Variants in ZNF160 observed in about 807,000 individuals in gnomAD.
The protein encoded by ZNF160 is zinc finger protein 160.
Under a neutral mutation model 13.1 loss-of-function variants are expected in ZNF160, and 9 were observed. The observed-to-expected ratio is 0.69, with a 90% CI of 0.41 to 1.20. ZNF160 has a LOEUF of 1.20. Ranked by LOEUF, ZNF160 falls within the 50% of genes most tolerant of loss-of-function variation. ZNF160 has a pLI of 0.01. For synonymous variants in ZNF160, 293 were observed against 333.2 expected, an observed-to-expected ratio of 0.88 and a Z score of 1.31; for missense variants, 838 against 988.0, an observed-to-expected ratio of 0.85 and a Z score of 2.04.
At chr19:53,073,447 C>T (rs2084258564) in intron 5 of ZNF160, 2 of 1,598,336 alleles carry the variant, frequency 1.3e-6, no homozygotes, top group Non-Finnish European at 1.7e-6. Context: ...GAGACTCTTC[C>T]ATGAGGTTTG....
intron 3 of ZNF160, among the ~76,000 whole-genome samples, chr19:53,080,487 C>T (rs971197595): frequency 4.6e-5 from 7 of 152,092 alleles, no homozygotes; most frequent in African/African-American, 1.7e-4. Context: ...GCCACACCCC[C>T]CAAAAAATGA....
intron 3 of ZNF160, among the ~76,000 whole-genome samples, chr19:53,080,481 C>T (rs969492879): frequency 7.2e-5 from 11 of 152,134 alleles, no homozygotes; most frequent in Non-Finnish European, 2.9e-5. Flanking sequence ...AAAATAGCCA[C>T]ACCCCCCAAA....
intron 5 of ZNF160, among the ~76,000 whole-genome samples, chr19:53,071,508 C>G (rs2084173227): frequency 7.1e-6 from 1 of 140,152 alleles, no homozygotes; most frequent in Non-Finnish European, 1.5e-5. Flanking sequence ...GCACTCCAGC[C>G]TGGGGCAACA....
At chr19:53,093,724 T>C (rs930946264) in intron 1 of ZNF160, 2 of 151,366 alleles carry the variant, frequency 1.3e-5, no homozygotes, top group Non-Finnish European at 2.9e-5. Flanking sequence ...GAGTGTGAGA[T>C]TGCAGTGAGC....
chr19:53,099,603 C>T (rs1442728200), intron 1 of ZNF160, among the ~76,000 whole-genome samples: 1 of 152,208 alleles, frequency 6.6e-6, no homozygotes, highest in Non-Finnish European at 1.5e-5. Context: ...TCTGAGTCTA[C>T]ACCCCAGCTT....
rs557223777 is a variant in ZNF160, at chr19:53,072,723, T to C, written c.271+1417A>G. On this transcript the variant is annotated intron_variant, in intron 5 of 5. Transcript: ENST00000683776. ...ACAATTAACCAGGCATGGTGGCGCA[T>C]GCCTGTAATCCCAGCTACTCGGGAG... Among the ~76,000 whole-genome samples, 396 of 152,142 alleles carry C rather than the reference T, an allele frequency of 2.6e-3. 1 individual carries two copies. In the Middle Eastern group the frequency reaches 0.041, roughly 16 times the overall value.
At chr19:53,081,635 GA>G (rs35508631) in intron 3 of ZNF160, among the ~76,000 whole-genome samples, 27,859 of 151,912 alleles carry the variant, frequency 0.18, 3,191 homozygotes, top group East Asian at 0.32. Flanking sequence ...CAAGGCTTCA[GA>G]AAAAAGGAAA....
At chr19:53,099,907 G>C (rs2085380862) in intron 1 of ZNF160, among the ~76,000 whole-genome samples, 1 of 152,174 alleles carries the variant, frequency 6.6e-6, no homozygotes, top group Admixed American at 6.5e-5. Flanking sequence ...GCCTCGAAGG[G>C]CTAATGGGCA....
At position 53,074,206 on chromosome 19, in the gene ZNF160, C is replaced by T. The variant is rs760123268; in HGVS notation, c.205G>A (p.Val69Met). 2 of 1,613,980 alleles carry T rather than the reference C, an allele frequency of 1.2e-6. No homozygotes were observed. The highest frequency in any genetic ancestry group is 2.2e-5 in the East Asian group (1 of 44,864). ...CTTGCTATTTTCACACAGCTCTTCA[C>T]AGTCCAGGGCTCTTTCCCTTCCTCC... is the stretch of plus-strand genomic sequence containing the variant. ...MLEEGKEPWT[V>M]KSCVKIARKP... The change falls in exon 5 of 6, where the codon GTG becomes ATG. Residue 69 changes from valine to methionine, a missense_variant. This residue lies in a region of ZNF160 where 387 missense variants were observed against 402.3 expected (regional missense o/e 0.96). Transcript: ENST00000683776.
rs375068903 is a variant in ZNF160 at position 53,070,875 on chromosome 19, C to T, written c.272-613G>A. 5.8e-3 allele frequency among the ~76,000 whole-genome samples: 875 copies of T among 152,086 alleles called. 13 individuals are homozygous for T. Among genetic ancestry groups the T allele is most frequent in the African/African-American group, 0.02 (824 of 41,506 alleles). On this transcript the variant is annotated intron_variant, in intron 5 of 5. Coordinates refer to ENST00000683776, the MANE Select transcript of ZNF160 (RefSeq NM_001322131.2). ...GTTGAGACCAGCCTGGGCAACACAG[C>T]AAGACTCCATCTCTACAAAAACAAA...
chr19:53,070,108 C>T lies in ZNF160; in HGVS notation c.426G>A (p.Glu142=). Residue 142 remains glutamate (E), a synonymous_variant, in exon 6 of 6, where the codon GAG becomes GAA. Transcript: ENST00000683776. ...TTCCTGTGTCATCTCTCCATTGACA[C>T]TCAAAATCATGCACATTTTTCTGGG... ...KEPQKNVHDF[E]CQWRDDTGNY... 6.2e-7 allele frequency: 1 copy of T among 1,614,142 alleles called. No homozygotes were observed. The highest frequency in any genetic ancestry group is 8.5e-7 in the Non-Finnish European group (1 of 1,180,030).
chr19:53,069,417 C>T lies in ZNF160; in HGVS notation c.1117G>A (p.Glu373Lys). The change falls in exon 6 of 6, where the codon GAA (glutamate) becomes AAA (lysine). Residue 373 changes from glutamate (E) to lysine (K), a missense_variant. Physicochemically the swap from Glu to Lys is moderately conservative, Grantham distance 56. Around this residue, in one of 3 missense-constraint regions of ZNF160, gnomAD observed 400 missense variants for 538.9 expected, o/e 0.74. Coordinates refer to ENST00000683776, the MANE Select transcript of ZNF160 (RefSeq NM_001322131.2). This position sits in a 1 kb window ranked among gnomAD's most constrained non-coding sequence, Gnocchi z 4.4. ...TTTTGAGTGAAGAGCTTGCCACATT[C>T]ATTACATTTGAACGGTTTTTCTCCA... ...HTGEKPFKCN[E>K]CGKLFTQNSH... 6.2e-7 allele frequency: 1 copy of T among 1,614,108 alleles called. No homozygotes were observed. The highest frequency in any genetic ancestry group is 8.5e-7 in the Non-Finnish European group (1 of 1,180,030).
chr19:53,093,847 T>G (rs2085123909), intron 1 of ZNF160, among the ~76,000 whole-genome samples: 1 of 152,294 alleles, frequency 6.6e-6, no homozygotes, highest in South Asian at 2.1e-4. Context: ...TGAATGTTCC[T>G]GTCACACATA....
chr19:53,097,498 T>A (rs75205204), intron 1 of ZNF160, among the ~76,000 whole-genome samples: 18,818 of 151,780 alleles, frequency 0.12, 1,257 homozygotes, highest in Middle Eastern at 0.18. Flanking sequence ...AGCCCTGTTA[T>A]GAAATCTCAC....
intron 1 of ZNF160, among the ~76,000 whole-genome samples, chr19:53,099,583 T>C (rs541738113): frequency 8.5e-5 from 13 of 152,166 alleles, no homozygotes; most frequent in South Asian, 2.1e-4. Context: ...CCAAAGATGG[T>C]CTCTCTGCCT....
chr19:53,069,531 G>T lies in ZNF160; in HGVS notation c.1003C>A (p.His335Asn). Residue 335 changes from histidine (H) to asparagine (N), a missense_variant, in exon 6 of 6, where the codon CAT becomes AAT. Transcript: ENST00000683776. The surrounding 1 kb of genome is among the most constrained non-coding windows in gnomAD (Gnocchi z 4.4). ...NSYLATHRRI[H>N]TGEKPYKCNE... Reference sequence around the variant, plus strand: ...CACTTGTAAGGTTTCTCTCCAGTATGAATTCGCCGATGAGTTGCAAGGTAT... The same window carrying T: ...CACTTGTAAGGTTTCTCTCCAGTATTAATTCGCCGATGAGTTGCAAGGTAT... 1 of 1,614,164 alleles carries T rather than the reference G, an allele frequency of 6.2e-7. No individual in the cohort carries two copies. Among genetic ancestry groups the T allele is most frequent in the African/African-American group, 1.3e-5 (1 of 75,040 alleles).
chr19:53,086,359 GAATATCCAA>G, intron 2 of ZNF160, 38 bp from the exon 3 acceptor site: 1 of 1,511,486 alleles, frequency 6.6e-7, no homozygotes, highest in African/African-American at 1.4e-5. Context: ...AGTCAATACT[GAATATCCAA>G]AATATGCTGC....
At chr19:53,096,358 GACTA>G (rs1402208894) in intron 1 of ZNF160, among the ~76,000 whole-genome samples, 8 of 152,132 alleles carry the variant, frequency 5.3e-5, no homozygotes, top group Admixed American at 1.3e-4. Flanking sequence ...AGCTGAGCAG[GACTA>G]ACTGAGGGGC....
chr19:53,089,056 T>C (rs996046959), intron 2 of ZNF160, among the ~76,000 whole-genome samples: 1 of 152,216 alleles, frequency 6.6e-6, no homozygotes, highest in African/African-American at 2.4e-5. Flanking sequence ...GTAAACTAAG[T>C]GTTGTCCTGA....
Sources: allele counts gnomAD v4.1 joint callset (sites outside exome capture counted in the v4.1 genomes callset), GRCh38; gene constraint gnomAD v4.1.1; regional missense constraint gnomAD v4.1.1; non-coding constraint Gnocchi (gnomAD v3.1); transcripts MANE v1.5; gene names NCBI Gene and HGNC (gene_info 2026-07-23, HGNC 2026-07-21).